The following NRXN3 variants were observed in gnomAD, a reference collection of about 807,000 sequenced individuals.
NRXN3 encodes the protein neurexin III.
In NRXN3, 32 loss-of-function variants were observed where a neutral mutation model predicts 137.6. The ratio of observed to expected loss-of-function variants is 0.23; its 90% confidence interval spans 0.18 to 0.31. The LOEUF (loss-of-function observed/expected upper bound fraction) is 0.31. NRXN3 is among the 10% of genes least tolerant of loss of function. The pLI, the probability that NRXN3 is intolerant of heterozygous loss-of-function variation, is 1.00. For synonymous variants in NRXN3, 798 were observed against 784.5 expected, an observed-to-expected ratio of 1.02 and a Z score of -0.29; for missense variants, 1,574 against 2,062.5, an observed-to-expected ratio of 0.76 and a Z score of 4.59.
In NRXN3 at chr14:78,192,107, T is replaced by TGTGTGTGA. The variant is rs796435942; in HGVS notation, c.-704+21434_-704+21435insTGTGTGAG. On this transcript the variant is annotated intron_variant, in intron 1 of 20. Transcript: ENST00000335750. The stretch of plus-strand genomic sequence containing the variant: ...GTGTGTGTGTGTGTGTGTGTGTGTG[T>TGTGTGTGA]GAGAGAGAGAGCATACATGTGTGCA... Among the ~76,000 whole-genome samples the TGTGTGTGA allele has an allele frequency of 1.4e-3, 193 of 140,510 alleles. 1 individual carries two copies. The highest frequency in any genetic ancestry group is 7.4e-3 in the Middle Eastern group (2 of 272). The allele number at this position is 140,510 out of a possible 152,430, so 92.2% of individuals were successfully genotyped here.
chr14:79,655,772 C>G (rs1467452798), intron 16 of NRXN3, among the ~76,000 whole-genome samples: 2 of 152,148 alleles, frequency 1.3e-5, no homozygotes, highest in African/African-American at 4.8e-5. Context: ...TCAGTTGTGA[C>G]AGCCAAAAAT....
intron 6 of NRXN3, among the ~76,000 whole-genome samples, chr14:78,691,981 T>A (rs1265786077): frequency 1.3e-5 from 2 of 152,202 alleles, no homozygotes; most frequent in Non-Finnish European, 2.9e-5. Context: ...GGGTTAGTGC[T>A]ATAGAAGTTC....
At chr14:79,143,801 T>C (rs2059038446) in intron 15 of NRXN3, among the ~76,000 whole-genome samples, 1 of 152,208 alleles carries the variant, frequency 6.6e-6, no homozygotes, top group Non-Finnish European at 1.5e-5. Context: ...TTATATTAGC[T>C]AGATATAGGT....
intron 4 of NRXN3, among the ~76,000 whole-genome samples, chr14:78,420,088 G>T (rs957301749): frequency 6.6e-6 from 1 of 151,954 alleles, no homozygotes; most frequent in African/African-American, 2.4e-5. Flanking sequence ...GGGCAGGGAA[G>T]ATGGAAAAAA....
At chr14:79,665,967 T>C (rs764717145) in intron 17 of NRXN3, among the ~76,000 whole-genome samples, 1 of 152,160 alleles carries the variant, frequency 6.6e-6, no homozygotes, top group Non-Finnish European at 1.5e-5. Flanking sequence ...ATAGCATTTA[T>C]AAGTATGGGC....
chr14:79,296,412 A>G (rs549627101), intron 15 of NRXN3, among the ~76,000 whole-genome samples: 1 of 151,972 alleles, frequency 6.6e-6, no homozygotes, highest in Non-Finnish European at 1.5e-5. Context: ...AATTATTTCC[A>G]CAGGCATGCA....
chr14:78,967,494 T>C, intron 13 of NRXN3, 96 bp downstream of exon 13: 1 of 806,404 alleles, frequency 1.2e-6, no homozygotes, highest in South Asian at 1.7e-5. Flanking sequence ...GTGCCATGCA[T>C]TTTTGATACA....
chr14:78,912,999 A>G (rs2152791358), intron 10 of NRXN3, among the ~76,000 whole-genome samples: 1 of 152,216 alleles, frequency 6.6e-6, no homozygotes, highest in South Asian at 2.1e-4. Flanking sequence ...TATGCCCTAG[A>G]TACCTAAGCT....
At chr14:79,705,614 C>T (rs1029947207) in intron 19 of NRXN3, among the ~76,000 whole-genome samples, 1 of 152,126 alleles carries the variant, frequency 6.6e-6, no homozygotes. Flanking sequence ...TCAGCCCTGC[C>T]TGAATGTGCC....
At chr14:79,191,442 A>G (rs2064297421) in intron 15 of NRXN3, among the ~76,000 whole-genome samples, 1 of 152,192 alleles carries the variant, frequency 6.6e-6, no homozygotes. Context: ...GCCCAATTTT[A>G]AAGGTGTCAT....
At chr14:79,430,524 A>C (rs1225693293) in intron 15 of NRXN3, among the ~76,000 whole-genome samples, 2 of 152,210 alleles carry the variant, frequency 1.3e-5, no homozygotes, top group East Asian at 3.9e-4. Flanking sequence ...CAAACAAAGG[A>C]GAAGCTAATG....
At chr14:79,089,176 G>A (rs1466500836) in intron 15 of NRXN3, among the ~76,000 whole-genome samples, 1 of 152,122 alleles carries the variant, frequency 6.6e-6, no homozygotes, top group African/African-American at 2.4e-5. Flanking sequence ...AAGCCATGCA[G>A]GTAAGAGACA....
intron 15 of NRXN3, among the ~76,000 whole-genome samples, chr14:79,069,024 A>T (rs1423258117): frequency 6.6e-6 from 1 of 152,104 alleles, no homozygotes; most frequent in African/African-American, 2.4e-5. Flanking sequence ...ACATGGCATC[A>T]TTTGAAATGA....
intron 19 of NRXN3, among the ~76,000 whole-genome samples, chr14:79,802,292 C>T (rs1025185875): frequency 5.3e-5 from 8 of 152,060 alleles, no homozygotes; most frequent in African/African-American, 7.2e-5. Context: ...AAAGTCCTAC[C>T]GGGCCATTCT....
intron 4 of NRXN3, among the ~76,000 whole-genome samples, chr14:78,400,106 C>G (rs1460542533): frequency 6.6e-6 from 1 of 152,058 alleles, no homozygotes; most frequent in Non-Finnish European, 1.5e-5. Flanking sequence ...TTACTTCATT[C>G]TATTAGAAAT....
rs150929594 is a variant in NRXN3 at position 79,043,878 on chromosome 14, A to C, written c.3262+55737A>C. Among the ~76,000 whole-genome samples, 250 of 152,316 alleles carry C rather than the reference A, an allele frequency of 1.6e-3. 1 individual carries two copies. Among genetic ancestry groups the C allele is most frequent in the African/African-American group, 5.8e-3 (243 of 41,578 alleles). On this transcript the variant is annotated intron_variant, in intron 15 of 20. Coordinates refer to ENST00000335750, the MANE Select transcript of NRXN3 (RefSeq NM_001330195.2). ...CCTGAATATAGTGTGGCTACCTCAG[A>C]TCAGGATTCTCAAGCTTGGCAGTTT...
intron 4 of NRXN3, among the ~76,000 whole-genome samples, chr14:78,557,850 T>C (rs957029362): frequency 4.6e-5 from 7 of 152,262 alleles, no homozygotes; most frequent in African/African-American, 1.7e-4. Context: ...AGAGGCTTGC[T>C]GAAGGCATCT....
At chr14:78,670,560 A>C (rs758845585) in intron 6 of NRXN3, among the ~76,000 whole-genome samples, 20 of 152,202 alleles carry the variant, frequency 1.3e-4, no homozygotes, top group Non-Finnish European at 2.9e-4. Flanking sequence ...CTCTGACAGC[A>C]ATAGCAGTTA....
At chr14:79,755,388 T>G (rs1203983724) in intron 19 of NRXN3, among the ~76,000 whole-genome samples, 2 of 152,142 alleles carry the variant, frequency 1.3e-5, no homozygotes, top group Non-Finnish European at 2.9e-5. Context: ...TATGTATATT[T>G]GTTTTTTTCT....
Sources: allele counts gnomAD v4.1 joint callset (sites outside exome capture counted in the v4.1 genomes callset), GRCh38; gene constraint gnomAD v4.1.1; transcripts MANE v1.5; gene names NCBI Gene and HGNC (gene_info 2026-07-23, HGNC 2026-07-21).